TRABD: variants seen among roughly 807,000 people sequenced by gnomAD.
TRABD encodes the protein TraB domain containing.
In TRABD, 23 loss-of-function variants were observed where a neutral mutation model predicts 39.6. The ratio of observed to expected loss-of-function variants is 0.58; its 90% confidence interval spans 0.42 to 0.82. The LOEUF (loss-of-function observed/expected upper bound fraction) is 0.82. Among genes scored for constraint, TRABD ranks in the 40% least tolerant of loss-of-function variants. The probability of loss-of-function intolerance (pLI) is 0.00; values close to 1 mark genes in which losing one functional copy is unlikely to be tolerated. For missense variants in TRABD, 487 were observed against 544.9 expected (o/e 0.89, Z 1.06); for synonymous variants, 243 against 232.1 (o/e 1.05, Z -0.43).
Position 50,199,346 on chromosome 22 carries a change from G to A in TRABD, c.*827G>A, listed in dbSNP as rs2064243722. 1 of 521,188 alleles carries A rather than the reference G, an allele frequency of 1.9e-6. No homozygotes were observed. Among genetic ancestry groups the A allele is most frequent in the East Asian group, 3.3e-5 (1 of 30,072 alleles). 32.3% of individuals were successfully genotyped at this position (521,188 alleles called of 1,614,324 possible). ...GTGTGCACCTATGTGGAAGGCCAAG[G>A]ACATGGGCTGTGGCCAGGCCTGTCC... On this transcript the variant is annotated 3_prime_UTR_variant, in exon 10 of 10. Coordinates refer to ENST00000380909, the MANE Select transcript of TRABD (RefSeq NM_001320485.2).
At chr22:50,193,198 T>G in intron 2 of TRABD, 105 bp downstream of exon 2, 4 of 1,341,326 alleles carry the variant, frequency 3.0e-6, no homozygotes, top group Non-Finnish European at 4.0e-6. Flanking sequence ...AAAGGTGATC[T>G]TCACAGGGTT....
In TRABD at chr22:50,198,448, G is replaced by T. The variant is rs369539852; in HGVS notation, c.1060G>T (p.Ala354Ser). 4 of 1,594,600 alleles carry T rather than the reference G, an allele frequency of 2.5e-6. No homozygotes were observed. Among genetic ancestry groups the T allele is most frequent in the African/African-American group, 2.7e-5 (2 of 74,870 alleles). ...CCTGTACTGGATGGGCCGCCGCACCGCGAGCCTGGTCCTGTCGCTGCCCGC... is the reference window on the plus strand; with the variant it reads ...CCTGTACTGGATGGGCCGCCGCACCTCGAGCCTGGTCCTGTCGCTGCCCGC... ...YSLYWMGRRTASLVLSLPAAQ... is the reference protein window; with the variant it reads ...YSLYWMGRRTSSLVLSLPAAQ... The change falls in exon 10 of 10, where the codon GCG (alanine) becomes TCG (serine). Residue 354 changes from alanine (A) to serine (S), a missense_variant. This residue lies in a region of TRABD where 123 missense variants were observed against 108.3 expected (regional missense o/e 1.14). Transcript: ENST00000380909. The surrounding 1 kb of genome is among the most constrained non-coding windows in gnomAD (Gnocchi z 7.9).
At chr22:50,197,765 C>CCCCCCCCCCCCCCCCCCGG in intron 7 of TRABD, 58 bp from the exon 8 acceptor site, 4 of 754,052 alleles carry the variant, frequency 5.3e-6, no homozygotes, top group Non-Finnish European at 8.9e-6. Flanking sequence ...ACAGTGCCAG[C>CCCCCCCCCCCCCCCCCCGG]CCCACCCCCC....
rs1051813748 is a variant in TRABD at position 50,193,049 on chromosome 22, C to T, written c.-12C>T. On this transcript the variant is annotated 5_prime_UTR_variant, in exon 2 of 10. Coordinates refer to ENST00000380909, the MANE Select transcript of TRABD (RefSeq NM_001320485.2). ...CAGGCTCCCCACAGGTGCAGGAAGC[C>T]GCCGCCCAGCCATGGACGGGGAGGA... 21 of 1,544,984 alleles carry T rather than the reference C, an allele frequency of 1.4e-5. No homozygotes were observed. Among genetic ancestry groups the T allele is most frequent in the African/African-American group, 1.2e-4 (9 of 73,208 alleles).
intron 5 of TRABD, among the ~76,000 whole-genome samples, chr22:50,196,276 A>G (rs1001599189): frequency 6.6e-6 from 1 of 152,146 alleles, no homozygotes; most frequent in African/African-American, 2.4e-5. Context: ...TGAATGTCTC[A>G]TCCTAAGTTA....
intron 7 of TRABD, 54 bp from the exon 8 acceptor site, chr22:50,197,769 A>AGGC: frequency 1.4e-6 from 1 of 706,078 alleles, no homozygotes; most frequent in Non-Finnish European, 2.0e-6. Flanking sequence ...TGCCAGCCCC[A>AGGC]CCCCCCCAGC....
rs1004910083 is a variant in TRABD at position 50,196,049 on chromosome 22, G to A, written c.420+1009G>A. Reference sequence around the variant, plus strand: ...GTGATCTCGAAGGGGCATAGAATTCGGCAGTGCCGTGCTGCTCACTGCTGC... The same window carrying A: ...GTGATCTCGAAGGGGCATAGAATTCAGCAGTGCCGTGCTGCTCACTGCTGC... On this transcript the variant is annotated intron_variant, in intron 5 of 9. Coordinates refer to ENST00000380909, the MANE Select transcript of TRABD (RefSeq NM_001320485.2). Among the ~76,000 whole-genome samples the A allele has an allele frequency of 5.9e-5, 9 of 152,304 alleles. No individual in the cohort carries two copies. The Middle Eastern group carries it at 0.014, about 230-fold the overall frequency.
intron 1 of TRABD, among the ~76,000 whole-genome samples, chr22:50,186,331 C>T (rs1466817107): frequency 1.0e-5 from 1 of 97,512 alleles, no homozygotes; most frequent in East Asian, 2.8e-4. Flanking sequence ...GGGCCAGGCC[C>T]GGGTCAGGTT....
intron 1 of TRABD, among the ~76,000 whole-genome samples, chr22:50,186,398 G>A (rs1455906690): frequency 6.6e-6 from 1 of 152,018 alleles, no homozygotes; most frequent in Non-Finnish European, 1.5e-5. Flanking sequence ...TGGGGCGGGA[G>A]CAGGCCCCGC....
chr22:50,186,774 C>G (rs754108629), intron 1 of TRABD, among the ~76,000 whole-genome samples: 58 of 152,248 alleles, frequency 3.8e-4, no homozygotes, highest in Non-Finnish European at 7.1e-4. Flanking sequence ...GCGAAGTGGA[C>G]GCCAGATCGT....
At chr22:50,193,514 C>T (rs2063983181) in intron 2 of TRABD, 62 bp from the exon 3 acceptor site, 1 of 1,529,586 alleles carries the variant, frequency 6.5e-7, no homozygotes, top group South Asian at 1.1e-5. Flanking sequence ...GTGGAGTTGC[C>T]ACGGAGCCCT....
intron 2 of TRABD, 125 bp from the exon 3 acceptor site, chr22:50,193,451 A>T: frequency 1.1e-6 from 1 of 904,122 alleles, no homozygotes; most frequent in African/African-American, 1.7e-5. Context: ...CTCGTTTTTC[A>T]GGGTGTGTGG....
intron 1 of TRABD, among the ~76,000 whole-genome samples, chr22:50,189,204 C>T (rs1377785593): frequency 1.3e-5 from 2 of 152,178 alleles, no homozygotes; most frequent in African/African-American, 2.4e-5. Context: ...CTGAATGTGG[C>T]TTGTGCTTGC....
chr22:50,198,377 C>T lies in TRABD; in HGVS notation c.989C>T (p.Ser330Phe), dbSNP rs948096815. The T allele has an allele frequency of 1.3e-6, 2 of 1,589,698 alleles. No homozygotes were observed. The highest frequency in any genetic ancestry group is 1.3e-5 in the African/African-American group (1 of 74,336). ...VPPPSVSGRV[S>F]RLAVKAAFFG... ...CCGCCGTCCGTCTCCGGCAGAGTGT[C>T]TCGGTTGGCCGTGAAGGCCGCCTTC... Residue 330 changes from serine to phenylalanine, a missense_variant, in exon 10 of 10, where the codon TCT becomes TTT. Around this residue, in one of 3 missense-constraint regions of TRABD, gnomAD observed 123 missense variants for 108.3 expected, o/e 1.14. Coordinates refer to ENST00000380909, the MANE Select transcript of TRABD (RefSeq NM_001320485.2). The surrounding 1 kb of genome is among the most constrained non-coding windows in gnomAD (Gnocchi z 7.9).
intron 1 of TRABD, among the ~76,000 whole-genome samples, chr22:50,187,203 G>T (rs1010485611): frequency 6.6e-6 from 1 of 152,250 alleles, no homozygotes; most frequent in Non-Finnish European, 1.5e-5. Flanking sequence ...ATGGTGGTCA[G>T]TGTGGGGGCT....
chr22:50,193,626 G>C lies in TRABD; in HGVS notation c.84G>C (p.Arg28Ser), dbSNP rs144604113. The change falls in exon 3 of 10, where the codon AGG becomes AGC. Residue 28 changes from arginine (R) to serine (S), a missense_variant. Physicochemically the swap from Arg to Ser is moderately radical, Grantham distance 110 (BLOSUM62 -1). Transcript: ENST00000380909. Reference protein sequence around the residue: ...VPSEASEPVPRVLSGDPQNLS... With the variant: ...VPSEASEPVPSVLSGDPQNLS... ...CAGAGGCTTCAGAGCCGGTGCCCAG[G>C]GTGCTTTCTGGAGACCCCCAGAACC... The C allele has an allele frequency of 7.0e-5, 113 of 1,613,822 alleles. No individual in the cohort carries two copies. In the African/African-American group the frequency reaches 1.3e-3, roughly 18 times the overall value.
chr22:50,194,228 C>A lies in TRABD; in HGVS notation c.113-112C>A, dbSNP rs1026925002. ...CGCTCGTCAGGAGTCTTGTGCTCTG[C>A]ACCTGTTCAGTTCTCAGAACCCAGG... On this transcript the variant is annotated intron_variant, in intron 3 of 9. Transcript: ENST00000380909. The A allele has an allele frequency of 7.4e-6, 10 of 1,357,678 alleles. No individual in the cohort carries two copies. In the African/African-American group the frequency reaches 1.5e-4, roughly 20 times the overall value. 84.1% of individuals were successfully genotyped at this position (1,357,678 alleles called of 1,614,324 possible).
At chr22:50,197,653 T>G in intron 7 of TRABD, 65 bp downstream of exon 7, 1 of 1,595,728 alleles carries the variant, frequency 6.3e-7, no homozygotes, top group Non-Finnish European at 8.6e-7. Flanking sequence ...CAGGCCCTCC[T>G]GTGCAGGTCC....
chr22:50,193,231 C>A (rs2063972867), intron 2 of TRABD, 138 bp downstream of exon 2: 2 of 1,135,780 alleles, frequency 1.8e-6, no homozygotes, highest in African/African-American at 1.6e-5. Context: ...GCAGGAGGCA[C>A]CTCCGAGGGA....
Sources: gnomAD v4.1 joint callset for allele counts (sites outside exome capture counted in the v4.1 genomes callset) on GRCh38, gnomAD v4.1.1 for gene constraint, gnomAD v4.1.1 regional missense constraint, Gnocchi (gnomAD v3.1) non-coding constraint, MANE v1.5 for transcripts, NCBI Gene and HGNC (gene_info 2026-07-23, HGNC 2026-07-21) for gene names.